The following RUBCN variants were observed in gnomAD, a reference collection of about 807,000 sequenced individuals.
RUBCN encodes rubicon autophagy regulator.
A neutral mutation model predicts 113.2 loss-of-function variants in RUBCN; 74 were observed. The observed-to-expected ratio is 0.65, with a 90% CI of 0.54 to 0.79. RUBCN has a LOEUF of 0.79. Ranked by LOEUF, RUBCN falls within the 30% of genes least tolerant of loss-of-function variation. The probability of loss-of-function intolerance (pLI) is 0.00; values close to 1 mark genes in which losing one functional copy is unlikely to be tolerated. For synonymous variants in RUBCN, 480 were observed against 490.0 expected, an observed-to-expected ratio of 0.98 and a Z score of 0.27; for missense variants, 1,109 against 1,251.7, an observed-to-expected ratio of 0.89 and a Z score of 1.72.
intron 1 of RUBCN, 150 bp from the exon 2 acceptor site, chr3:197,718,280 C>T: frequency 3.6e-6 from 3 of 822,208 alleles, no homozygotes; most frequent in Admixed American, 2.1e-5. Context: ...AAACTCAACT[C>T]TGAGAGAATT....
At chr3:197,713,696 T>C (rs913670486) in intron 2 of RUBCN, among the ~76,000 whole-genome samples, 1 of 151,158 alleles carries the variant, frequency 6.6e-6, no homozygotes, top group Non-Finnish European at 1.5e-5. Context: ...AATGGGTGAG[T>C]GATCGTGCAA....
intron 1 of RUBCN, among the ~76,000 whole-genome samples, chr3:197,731,644 C>A (rs1379998737): frequency 6.6e-6 from 1 of 150,628 alleles, no homozygotes; most frequent in Non-Finnish European, 1.5e-5. Flanking sequence ...ACCTCCCTCC[C>A]GGACGGGGCG....
chr3:197,692,326 A>G (rs1722513995), intron 11 of RUBCN, among the ~76,000 whole-genome samples: 1 of 151,952 alleles, frequency 6.6e-6, no homozygotes, highest in Admixed American at 6.6e-5. Flanking sequence ...TCTCTTCCTT[A>G]GTCCCTGTGT....
In RUBCN at chr3:197,701,166, G is replaced by A. The variant is rs1165919500; in HGVS notation, c.728-20C>T. On this transcript the variant is annotated intron_variant, in intron 6 of 19. Transcript: ENST00000296343. Reference sequence around the variant, plus strand: ...TTCTCTCTAGAATATAAAAGGAAATGGTAAGGGGAGCAAGGGTGAGGTGGA... The same window carrying A: ...TTCTCTCTAGAATATAAAAGGAAATAGTAAGGGGAGCAAGGGTGAGGTGGA... 2.0e-6 allele frequency: 3 copies of A among 1,509,236 alleles called. No individual in the cohort carries two copies. Among genetic ancestry groups the A allele is most frequent in the East Asian group, 2.3e-5 (1 of 44,074 alleles). 93.5% of individuals were successfully genotyped at this position (1,509,236 alleles called of 1,614,324 possible).
rs193018255 is a variant in RUBCN at position 197,700,253 on chromosome 3, C to T, written c.1261+360G>A. Among the ~76,000 whole-genome samples the T allele has an allele frequency of 4.9e-4, 74 of 152,312 alleles. 1 individual carries two copies. Among genetic ancestry groups the T allele is most frequent in the Admixed American group, 1.8e-3 (28 of 15,306 alleles). On this transcript the variant is annotated intron_variant, in intron 7 of 19. Coordinates refer to ENST00000296343, the MANE Select transcript of RUBCN (RefSeq NM_014687.4). ...TTACACCCTGGGCAAACTTCTAAGACGTCACAGGAAATGACAGAACTTAAT... is the reference window on the plus strand; with the variant it reads ...TTACACCCTGGGCAAACTTCTAAGATGTCACAGGAAATGACAGAACTTAAT...
Position 197,669,048 on chromosome 3 carries a change from T to C in RUBCN, c.*5970A>G, listed in dbSNP as rs565637977. 7.9e-5 allele frequency among the ~76,000 whole-genome samples: 12 copies of C among 152,334 alleles called. No individual in the cohort carries two copies. The East Asian group carries it at 1.5e-3, about 20-fold the overall frequency. On this transcript the variant is annotated 3_prime_UTR_variant, in exon 20 of 20. Coordinates refer to ENST00000296343, the MANE Select transcript of RUBCN (RefSeq NM_014687.4). ...CATAACTGTAATTATGATGTACATA[T>C]GCTTTTTATATAGGTAAACTTCTTA...
intron 1 of RUBCN, chr3:197,748,418 T>C (rs1728850990): frequency 6.6e-6 from 1 of 151,994 alleles, no homozygotes; most frequent in African/African-American, 2.4e-5. Context: ...GATAGGTGTG[T>C]GGTTCACTCT....
At chr3:197,710,371 C>T (rs564195564) in intron 2 of RUBCN, among the ~76,000 whole-genome samples, 5 of 152,152 alleles carry the variant, frequency 3.3e-5, no homozygotes, top group East Asian at 1.9e-4. Context: ...GAGGCTGAGG[C>T]GGGTGGATCA....
intron 1 of RUBCN, among the ~76,000 whole-genome samples, chr3:197,734,082 C>A (rs1727833420): frequency 6.6e-6 from 1 of 151,798 alleles, no homozygotes; most frequent in Non-Finnish European, 1.5e-5. Context: ...ATGGCGAAAC[C>A]CCGTCTCTAC....
At chr3:197,706,042 A>G (rs1197006744) in intron 2 of RUBCN, among the ~76,000 whole-genome samples, 1 of 151,780 alleles carries the variant, frequency 6.6e-6, no homozygotes, top group Admixed American at 6.6e-5. Flanking sequence ...AATGGTTTCT[A>G]CTCCTTTCTC....
intron 1 of RUBCN, among the ~76,000 whole-genome samples, chr3:197,721,663 T>C (rs1018469823): frequency 3.3e-5 from 5 of 152,190 alleles, no homozygotes; most frequent in African/African-American, 9.6e-5. Context: ...CCTGGTTTTC[T>C]AGTTTCTTGA....
Position 197,675,088 on chromosome 3 carries a change from T to G in RUBCN, c.2849A>C (p.Tyr950Ser). The G allele has an allele frequency of 6.2e-7, 1 of 1,613,306 alleles. No individual in the cohort carries two copies. Among genetic ancestry groups the G allele is most frequent in the Non-Finnish European group, 8.5e-7 (1 of 1,179,960 alleles). ...EALARQSLES[Y>S]LSDYEEEPAE... The stretch of plus-strand genomic sequence containing the variant: ...GGGCTCCTCCTCGTAGTCTGACAGG[T>G]AAGACTCCAGGCTCTGCCTGGCCAG... Residue 950 changes from tyrosine to serine, a missense_variant, in exon 20 of 20, where the codon TAC becomes TCC. Physicochemically the swap from Tyr to Ser is moderately radical, Grantham distance 144 (BLOSUM62 -2). This residue lies in a region of RUBCN where 306 missense variants were observed against 348.9 expected (regional missense o/e 0.88). Transcript: ENST00000296343. The surrounding 1 kb of genome is among the most constrained non-coding windows in gnomAD (Gnocchi z 4.4).
At chr3:197,727,323 AGAG>A (rs889198411) in intron 1 of RUBCN, among the ~76,000 whole-genome samples, 1 of 152,214 alleles carries the variant, frequency 6.6e-6, no homozygotes, top group African/African-American at 2.4e-5. Flanking sequence ...ATTGCTTCAC[AGAG>A]GAGGGTGTAA....
chr3:197,749,104 G>A (rs894402758), intron 1 of RUBCN, among the ~76,000 whole-genome samples: 21 of 152,170 alleles, frequency 1.4e-4, no homozygotes, highest in African/African-American at 4.8e-4. Context: ...TAAGAAGAGA[G>A]GTAAATACCG....
intron 1 of RUBCN, among the ~76,000 whole-genome samples, chr3:197,734,920 G>T (rs899463637): frequency 1.3e-5 from 2 of 152,206 alleles, no homozygotes; most frequent in African/African-American, 4.8e-5. Flanking sequence ...TCCAGGTTTT[G>T]TTCAACAGGC....
chr3:197,697,850 C>T (rs1252639114), intron 7 of RUBCN, among the ~76,000 whole-genome samples: 1 of 152,162 alleles, frequency 6.6e-6, no homozygotes, highest in Non-Finnish European at 1.5e-5. Context: ...GCATCTAACC[C>T]ATTTCCCTGA....
intron 2 of RUBCN, 42 bp from the exon 3 acceptor site, chr3:197,705,217 T>C: frequency 6.4e-7 from 1 of 1,555,398 alleles, no homozygotes; most frequent in Non-Finnish European, 8.9e-7. Context: ...ACGACCATTC[T>C]GGACCAGATC....
At chr3:197,702,780 A>G (rs1723830688) in intron 5 of RUBCN, among the ~76,000 whole-genome samples, 1 of 152,192 alleles carries the variant, frequency 6.6e-6, no homozygotes, top group African/African-American at 2.4e-5. Context: ...TGACTGGAGT[A>G]TTAGTGATGG....
chr3:197,723,431 C>A (rs1580353132), intron 1 of RUBCN, among the ~76,000 whole-genome samples: 1 of 152,116 alleles, frequency 6.6e-6, no homozygotes, highest in African/African-American at 2.4e-5. Flanking sequence ...AGTGACCTGC[C>A]CACCTCAGCC....
Sources: allele counts gnomAD v4.1 joint callset (sites outside exome capture counted in the v4.1 genomes callset), GRCh38; gene constraint gnomAD v4.1.1; regional missense constraint gnomAD v4.1.1; non-coding constraint Gnocchi (gnomAD v3.1); transcripts MANE v1.5; gene names NCBI Gene and HGNC (gene_info 2026-07-23, HGNC 2026-07-21).